Variants in CFAP57 observed in about 807,000 individuals in gnomAD.
CFAP57 encodes cilia- and flagella-associated protein 57.
CFAP57 carries 116 observed loss-of-function variants against 146.8 expected under a neutral mutation model. The observed-to-expected ratio is 0.79, with a 90% CI of 0.68 to 0.92. The LOEUF (loss-of-function observed/expected upper bound fraction) is 0.92. Among genes scored for constraint, CFAP57 ranks in the 40% least tolerant of loss-of-function variants. The pLI is 0.00. For synonymous variants in CFAP57, 518 were observed against 552.8 expected (o/e 0.94, Z 0.88); for missense variants, 1,377 against 1,527.2 (o/e 0.90, Z 1.64).
At chr1:43,234,744 TCTGGGGGC>T in intron 21 of CFAP57, 106 bp downstream of exon 21, 2 of 1,349,908 alleles carry the variant, frequency 1.5e-6, no homozygotes, top group Non-Finnish European at 2.0e-6. Flanking sequence ...TCCCCAGGTG[TCTGGGGGC>T]CCAGTAGCTC....
chr1:43,234,202 A>T, intron 19 of CFAP57, 77 bp from the exon 20 acceptor site: 1 of 1,422,948 alleles, frequency 7.0e-7, no homozygotes, highest in South Asian at 1.5e-5. Context: ...TTTCTGTGCC[A>T]TTAACCTCTG....
At chr1:43,182,267 T>C (rs1043547909) in intron 3 of CFAP57, among the ~76,000 whole-genome samples, 1 of 152,210 alleles carries the variant, frequency 6.6e-6, no homozygotes, top group Admixed American at 6.5e-5. Flanking sequence ...GGTAGGTCTT[T>C]AGGAAGCTGT....
intron 22 of CFAP57, among the ~76,000 whole-genome samples, chr1:43,245,217 G>C (rs1269243007): frequency 6.6e-6 from 1 of 151,874 alleles, no homozygotes; most frequent in Non-Finnish European, 1.5e-5. Flanking sequence ...GTTGAGGTGT[G>C]AGGATTTTAG....
At chr1:43,183,466 T>G in intron 3 of CFAP57, 125 bp from the exon 4 acceptor site, 1 of 863,554 alleles carries the variant, frequency 1.2e-6, no homozygotes, top group Non-Finnish European at 1.9e-6. Context: ...TAAAGTTACA[T>G]GATTTTGTGA....
Position 43,186,828 on chromosome 1 carries a change from G to GC in CFAP57, c.1092dup (p.Ile365HisfsTer17), listed in dbSNP as rs779274924. 1.2e-6 allele frequency: 2 copies of GC among 1,614,118 alleles called. No individual in the cohort carries two copies. Among genetic ancestry groups the GC allele is most frequent in the Non-Finnish European group, 1.7e-6 (2 of 1,180,006 alleles). On this transcript the variant is annotated frameshift_variant, in exon 6 of 23. Coordinates refer to ENST00000372492, the MANE Select transcript of CFAP57 (RefSeq NM_001378189.1). LOFTEE classifies it high-confidence loss of function. ...AGCACCAGTAAGAACCAACTCTACAGCATCACCATGTCCCTGACAGAGATC... is the reference window on the plus strand; with the variant it reads ...AGCACCAGTAAGAACCAACTCTACAGCCATCACCATGTCCCTGACAGAGATC...
chr1:43,197,008 A>G lies in CFAP57; in HGVS notation c.1123-545A>G, dbSNP rs767879393. Reference sequence around the variant, plus strand: ...CAGAGGAAGGGTTAAATTAAATTCTAAGATATCCATTGAAGAAAATATTTT... The same window carrying G: ...CAGAGGAAGGGTTAAATTAAATTCTGAGATATCCATTGAAGAAAATATTTT... On this transcript the variant is annotated intron_variant, in intron 6 of 22. Transcript: ENST00000372492. 6.8e-4 allele frequency among the ~76,000 whole-genome samples: 103 copies of G among 152,348 alleles called. 1 individual carries two copies. Among genetic ancestry groups the G allele is most frequent in the Non-Finnish European group, 1.1e-3 (77 of 68,030 alleles).
At position 43,190,550 on chromosome 1, in the gene CFAP57, G is replaced by A. The variant is rs181853922; in HGVS notation, c.1122+3691G>A. On this transcript the variant is annotated intron_variant, in intron 6 of 22. Transcript: ENST00000372492. ...CTCCTAAAGTGCTGGGATTACAGGC[G>A]TGAGTCACCGTGCCCGGCTGCATCC... Among the ~76,000 whole-genome samples, 358 of 152,230 alleles carry A rather than the reference G, an allele frequency of 2.4e-3. 2 individuals are homozygous for A. Among genetic ancestry groups the A allele is most frequent in the South Asian group, 5.4e-3 (26 of 4,828 alleles).
intron 17 of CFAP57, among the ~76,000 whole-genome samples, chr1:43,226,757 G>T (rs1557806511): frequency 6.6e-6 from 1 of 152,216 alleles, no homozygotes; most frequent in Non-Finnish European, 1.5e-5. Flanking sequence ...AACCTAATAT[G>T]AATGAGTGAG....
intron 22 of CFAP57, among the ~76,000 whole-genome samples, chr1:43,247,458 A>G (rs946708915): frequency 2.0e-5 from 3 of 152,238 alleles, no homozygotes; most frequent in African/African-American, 7.2e-5. Flanking sequence ...TGCCAGCACT[A>G]TTGATGCAAA....
chr1:43,246,459 A>T (rs1646118650), intron 22 of CFAP57, among the ~76,000 whole-genome samples: 1 of 152,200 alleles, frequency 6.6e-6, no homozygotes, highest in African/African-American at 2.4e-5. Context: ...GTGTTGGGAA[A>T]ACTGGATATA....
Position 43,224,145 on chromosome 1 carries a change from A to G in CFAP57, c.2806A>G (p.Lys936Glu). ...GCAAGGAGTCATTAAGTCTCTGGAG[A>G]AGGACATCCAAGGCCTCAAGCGAGA... ...KLQGVIKSLE[K>E]DIQGLKREIQ... The change falls in exon 17 of 23, where the codon AAG (lysine) becomes GAG (glutamate). Residue 936 changes from lysine (K) to glutamate (E), a missense_variant. Physicochemically the swap from Lys to Glu is moderately conservative, Grantham distance 56. Transcript: ENST00000372492. 1 of 1,550,302 alleles carries G rather than the reference A, an allele frequency of 6.5e-7. No homozygotes were observed. Among genetic ancestry groups the G allele is most frequent in the East Asian group, 2.4e-5 (1 of 40,924 alleles).
chr1:43,174,904 A>T (rs1645111456), intron 2 of CFAP57, among the ~76,000 whole-genome samples: 1 of 152,214 alleles, frequency 6.6e-6, no homozygotes, highest in Non-Finnish European at 1.5e-5. Flanking sequence ...ATTTGCTCTC[A>T]TACTTACCAA....
intron 13 of CFAP57, 135 bp from the exon 14 acceptor site, chr1:43,221,237 G>T: frequency 5.5e-6 from 3 of 549,842 alleles, no homozygotes; most frequent in Non-Finnish European, 9.6e-6. Context: ...CTGCTTCATA[G>T]AACAGTGCTT....
chr1:43,199,542 G>T, intron 9 of CFAP57, 39 bp downstream of exon 9: 1 of 1,593,978 alleles, frequency 6.3e-7, no homozygotes, highest in Middle Eastern at 1.8e-4. Context: ...CAAGGGGCAC[G>T]GAGCCAAGTA....
Position 43,214,321 on chromosome 1 carries a change from C to T in CFAP57, c.1930-934C>T, listed in dbSNP as rs187994433. 1.2e-4 allele frequency among the ~76,000 whole-genome samples: 19 copies of T among 152,300 alleles called. No homozygotes were observed. The South Asian group carries it at 2.1e-3, about 17-fold the overall frequency. Reference sequence around the variant, plus strand: ...AAATATTTTCTCCCATTCGACAGGTCGTCTCTTCAGTCTGTTGATTGTTTC... The same window carrying T: ...AAATATTTTCTCCCATTCGACAGGTTGTCTCTTCAGTCTGTTGATTGTTTC... On this transcript the variant is annotated intron_variant, in intron 11 of 22. Transcript: ENST00000372492.
chr1:43,216,311 C>T (rs967522757), intron 12 of CFAP57, among the ~76,000 whole-genome samples: 6 of 152,288 alleles, frequency 3.9e-5, no homozygotes, highest in Middle Eastern at 3.4e-3. Context: ...CCACAAAGCA[C>T]GGTGACAAGC....
Position 43,234,542 on chromosome 1 carries a change from G to T in CFAP57, c.3309G>T (p.Arg1103=). ...LNTDLQQEYT[R]QREHLERNLA... ...CAGACCTGCAGCAGGAGTACACCCGGCAGCGGGAGCACCTGGAGAGGAACC... is the reference window on the plus strand; with the variant it reads ...CAGACCTGCAGCAGGAGTACACCCGTCAGCGGGAGCACCTGGAGAGGAACC... Residue 1103 remains arginine, a synonymous_variant, in exon 21 of 23, where the codon CGG becomes CGT. Coordinates refer to ENST00000372492, the MANE Select transcript of CFAP57 (RefSeq NM_001378189.1). The T allele has an allele frequency of 2.6e-6, 4 of 1,550,442 alleles. No homozygotes were observed. The highest frequency in any genetic ancestry group is 3.5e-6 in the Non-Finnish European group (4 of 1,146,932).
intron 22 of CFAP57, among the ~76,000 whole-genome samples, chr1:43,243,758 T>A (rs1646014461): frequency 6.6e-6 from 1 of 152,248 alleles, no homozygotes; most frequent in Non-Finnish European, 1.5e-5. Flanking sequence ...TTTTTAGATC[T>A]TCTTGCATTT....
At chr1:43,204,097 T>G (rs4660720) in intron 9 of CFAP57, among the ~76,000 whole-genome samples, 73,775 of 152,082 alleles carry the variant, frequency 0.49, 19,684 homozygotes, top group East Asian at 0.71. Flanking sequence ...GTTTGCCAGC[T>G]CAAATCTACT....
Sources: allele counts gnomAD v4.1 joint callset (sites outside exome capture counted in the v4.1 genomes callset), GRCh38; gene constraint gnomAD v4.1.1; transcripts MANE v1.5; gene names NCBI Gene and HGNC (gene_info 2026-07-23, HGNC 2026-07-21).